Variants in TMC5 observed in about 807,000 individuals in gnomAD.
The protein encoded by TMC5 is transmembrane channel like 5.
TMC5 carries 86 observed loss-of-function variants against 110.5 expected under a neutral mutation model. The ratio of observed to expected loss-of-function variants is 0.78; its 90% CI spans 0.65 to 0.93. TMC5 has a LOEUF of 0.93. Ranked by LOEUF, TMC5 falls within the 40% of genes least tolerant of loss-of-function variation. TMC5 has a pLI of 0.00. For synonymous variants in TMC5, 455 were observed against 439.5 expected (o/e 1.04, Z -0.44); for missense variants, 1,144 against 1,222.8 (o/e 0.94, Z 0.96).
At chr16:19,468,525 T>C (rs1426166971) in intron 9 of TMC5, among the ~76,000 whole-genome samples, 1 of 152,100 alleles carries the variant, frequency 6.6e-6, no homozygotes, top group Non-Finnish European at 1.5e-5. Flanking sequence ...GGTGAATATG[T>C]AACTTCGCAT....
Position 19,493,945 on chromosome 16 carries a change from A to G in TMC5, c.2827-317A>G, listed in dbSNP as rs1184646814. ...GCACGTGCCTATGGGGGATACTGGA[A>G]ACCATTTTTCCTGGGTATTGAGACG... On this transcript the variant is annotated intron_variant, in intron 19 of 21. Transcript: ENST00000542583. 1.3e-5 allele frequency among the ~76,000 whole-genome samples: 2 copies of G among 152,074 alleles called. 1 individual carries two copies.
upstream of TMC5, among the ~76,000 whole-genome samples, chr16:19,416,055 C>T (rs1427675219): frequency 6.6e-6 from 1 of 152,080 alleles, no homozygotes; most frequent in Non-Finnish European, 1.5e-5. Context: ...GTGGTACATA[C>T]CTGTAGTCTC....
At position 19,440,641 on chromosome 16, in the gene TMC5, T is replaced by G; in HGVS notation, c.603T>G (p.Ser201=). ...TSFRINPYAD[S]LGKPDYPGAD... The stretch of plus-strand genomic sequence containing the variant: ...TTAGAATCAATCCATACGCAGACTC[T>G]CTGGGAAAGCCTGATTATCCAGGCG... The change falls in exon 3 of 22, where the codon TCT becomes TCG. Residue 201 remains serine (S), a synonymous_variant. Coordinates refer to ENST00000542583, the MANE Select transcript of TMC5 (RefSeq NM_001261841.2). 6.2e-7 allele frequency: 1 copy of G among 1,614,188 alleles called. No individual in the cohort carries two copies. Among genetic ancestry groups the G allele is most frequent in the Non-Finnish European group, 8.5e-7 (1 of 1,180,048 alleles).
chr16:19,483,981 C>A (rs1968677533), intron 15 of TMC5, among the ~76,000 whole-genome samples: 1 of 151,276 alleles, frequency 6.6e-6, no homozygotes, highest in South Asian at 2.1e-4. Flanking sequence ...ACTTGGGAGG[C>A]TGAGGCAGGA....
At position 19,492,204 on chromosome 16, in the gene TMC5, G is replaced by C. The variant is rs780437633; in HGVS notation, c.2802G>C (p.Arg934Ser). 5 of 1,613,428 alleles carry C rather than the reference G, an allele frequency of 3.1e-6. No homozygotes were observed. In the Admixed American group the frequency reaches 5.0e-5, roughly 16 times the overall value. The change falls in exon 19 of 22, where the codon AGG becomes AGC. Residue 934 changes from arginine (R) to serine (S), a missense_variant. Physicochemically the swap from Arg to Ser is moderately radical, Grantham distance 110 (BLOSUM62 -1). Transcript: ENST00000542583. ...CAGAGGGAAGGAAGATTATGATAAG[G>C]CTGCTCCATGAGCAGATCATTAATG... ...QITEGRKIMI[R>S]LLHEQIINEG...
intron 2 of TMC5, among the ~76,000 whole-genome samples, chr16:19,433,461 C>T (rs906028094): frequency 1.3e-5 from 2 of 152,180 alleles, no homozygotes; most frequent in African/African-American, 2.4e-5. Context: ...TCCAGAGTCT[C>T]TCCCCAACTC....
intron 10 of TMC5, among the ~76,000 whole-genome samples, chr16:19,470,129 C>T (rs1474425441): frequency 1.1e-4 from 17 of 151,482 alleles, no homozygotes; most frequent in African/African-American, 3.9e-4. Flanking sequence ...CTCCTGACCT[C>T]GTGATCCACC....
rs370266528 is a variant in TMC5, at chr16:19,464,007, G to T, written c.1468G>T (p.Glu490Ter). The change falls in exon 8 of 22, where the codon GAG (glutamate) becomes TAG (stop). Residue 490 changes from glutamate to a stop codon, truncating the protein, a stop_gained. Transcript: ENST00000542583. LOFTEE classifies it high-confidence loss of function. ...KKNTLQFTGL[E>*]FFTGVGYFRD... ...GAACACCCTCCAGTTCACTGGGCTGGAGTTTTTCACTGGGGTGGTAAGTCC... is the reference window on the plus strand; with the variant it reads ...GAACACCCTCCAGTTCACTGGGCTGTAGTTTTTCACTGGGGTGGTAAGTCC... 1 of 1,613,944 alleles carries T rather than the reference G, an allele frequency of 6.2e-7. No homozygotes were observed. Among genetic ancestry groups the T allele is most frequent in the Non-Finnish European group, 8.5e-7 (1 of 1,180,006 alleles).
chr16:19,426,672 C>G (rs1251118525), intron 1 of TMC5, among the ~76,000 whole-genome samples: 1 of 152,180 alleles, frequency 6.6e-6, no homozygotes, highest in Admixed American at 6.5e-5. Flanking sequence ...TGCTGAAGCA[C>G]AAGTAACCCA....
chr16:19,413,512 A>C (rs1966862546), upstream of TMC5, among the ~76,000 whole-genome samples: 1 of 124,620 alleles, frequency 8.0e-6, no homozygotes, highest in Non-Finnish European at 1.6e-5. Context: ...CGACATTGCC[A>C]AACCCTGCCT....
At chr16:19,475,414 T>G (rs778705257) in intron 12 of TMC5, among the ~76,000 whole-genome samples, 64 of 149,428 alleles carry the variant, frequency 4.3e-4, no homozygotes, top group Admixed American at 8.1e-4. Context: ...AGAGAGAGAC[T>G]CCATCTCAGA....
Position 19,469,685 on chromosome 16 carries a change from G to T in TMC5, c.1642G>T (p.Ala548Ser). The T allele has an allele frequency of 6.2e-7, 1 of 1,613,918 alleles. No individual in the cohort carries two copies. The highest frequency in any genetic ancestry group is 8.5e-7 in the Non-Finnish European group (1 of 1,179,862). The part of the protein sequence containing the change: ...TCFFSLLFSM[A>S]KYFRNNFINP... ...TCTGCTTTCTGCCTTCTCTAGCATG[G>T]CCAAGTATTTCCGGAACAACTTCAT... is the stretch of plus-strand genomic sequence containing the variant. Residue 548 changes from alanine to serine, a missense_variant, in exon 10 of 22, where the codon GCC (alanine) becomes TCC (serine). Transcript: ENST00000542583.
At chr16:19,414,920 T>C (rs564737136), upstream of TMC5, among the ~76,000 whole-genome samples, 69 of 152,284 alleles carry the variant, frequency 4.5e-4, no homozygotes, top group African/African-American at 1.6e-3. Flanking sequence ...GGTGAGTTCC[T>C]GTAGTCCCAG....
At chr16:19,420,197 A>AG (rs1162377442) in intron 1 of TMC5, among the ~76,000 whole-genome samples, 1 of 152,028 alleles carries the variant, frequency 6.6e-6, no homozygotes, top group Non-Finnish European at 1.5e-5. Context: ...GAGGCCAAGG[A>AG]GGGCAGATCA....
chr16:19,440,101 G>T lies in TMC5; in HGVS notation c.63G>T (p.Gly21=). The T allele has an allele frequency of 6.2e-7, 1 of 1,614,090 alleles. No homozygotes were observed. Among genetic ancestry groups the T allele is most frequent in the Non-Finnish European group, 8.5e-7 (1 of 1,180,024 alleles). ...ACCCAGATTACCCTGACTATTCAGG[G>T]TCTCAGAACCGTACGCAGGGGTATT... is the stretch of plus-strand genomic sequence containing the variant. ...EEDPDYPDYS[G]SQNRTQGYLK... is the part of the protein sequence containing the mutation. The change falls in exon 3 of 22, where the codon GGG becomes GGT. Residue 21 remains glycine (G), a synonymous_variant. Coordinates refer to ENST00000542583, the MANE Select transcript of TMC5 (RefSeq NM_001261841.2).
At position 19,466,142 on chromosome 16, in the gene TMC5, G is replaced by A. The variant is rs372077333; in HGVS notation, c.1546G>A (p.Gly516Arg). Residue 516 changes from glycine (G) to arginine (R), a missense_variant, in exon 9 of 22, where the codon GGG becomes AGG. Coordinates refer to ENST00000542583, the MANE Select transcript of TMC5 (RefSeq NM_001261841.2). Reference sequence around the variant, plus strand: ...TTACACCAATTCCACCATCCAGCACGGGAACAGCGGGGCATCCTACAACAT... The same window carrying A: ...TTACACCAATTCCACCATCCAGCACAGGAACAGCGGGGCATCCTACAACAT... Reference protein sequence around the residue: ...GFYTNSTIQHGNSGASYNMQL... With the variant: ...GFYTNSTIQHRNSGASYNMQL... The A allele has an allele frequency of 2.4e-5, 38 of 1,613,912 alleles. No homozygotes were observed. The highest frequency in any genetic ancestry group is 1.2e-4 in the Admixed American group (7 of 59,968).
chr16:19,492,915 G>GATAGATATATATATATATAT (rs58561457), intron 19 of TMC5, among the ~76,000 whole-genome samples: 22 of 42,780 alleles, frequency 5.1e-4, no homozygotes, highest in East Asian at 2.5e-3. Flanking sequence ...TTAAAACTTA[G>GATAGATATATATATATATAT]ATATATATAT....
rs760717138 is a variant in TMC5 at position 19,469,689 on chromosome 16, A to G, written c.1646A>G (p.Lys549Arg). The stretch of plus-strand genomic sequence containing the variant: ...CTTTCTGCCTTCTCTAGCATGGCCA[A>G]GTATTTCCGGAACAACTTCATTAAT... Reference protein sequence around the residue: ...CFFSLLFSMAKYFRNNFINPH... With the variant: ...CFFSLLFSMARYFRNNFINPH... The change falls in exon 10 of 22, where the codon AAG becomes AGG. Residue 549 changes from lysine (K) to arginine (R), a missense_variant. Transcript: ENST00000542583. 9.9e-5 allele frequency: 160 copies of G among 1,614,072 alleles called. No individual in the cohort carries two copies. The highest frequency in any genetic ancestry group is 5.3e-5 in the African/African-American group (4 of 75,066).
chr16:19,459,984 C>T (rs946314262), intron 5 of TMC5, among the ~76,000 whole-genome samples: 3 of 149,654 alleles, frequency 2.0e-5, no homozygotes, highest in Admixed American at 6.7e-5. Context: ...ATTGACTTTG[C>T]TAAATGTTTT....
Sources: gnomAD v4.1 joint callset for allele counts (sites outside exome capture counted in the v4.1 genomes callset) on GRCh38, gnomAD v4.1.1 for gene constraint, MANE v1.5 for transcripts, NCBI Gene and HGNC (gene_info 2026-07-23, HGNC 2026-07-21) for gene names.